GABRB2: variants seen among roughly 807,000 people sequenced by gnomAD.
GABRB2 encodes the protein gamma-aminobutyric acid receptor subunit beta-2.
Under a neutral mutation model 54.7 loss-of-function variants are expected in GABRB2, and 16 were observed. The ratio of observed to expected loss-of-function variants is 0.29; its 90% confidence interval spans 0.20 to 0.44. GABRB2 has a LOEUF of 0.44. GABRB2 is among the 20% of genes least tolerant of loss of function. The probability of loss-of-function intolerance (pLI) is 1.00; values close to 1 mark genes in which losing one functional copy is unlikely to be tolerated. For synonymous variants in GABRB2, 244 were observed against 233.8 expected, an observed-to-expected ratio of 1.04 and a Z score of -0.40; for missense variants, 355 against 644.0, an observed-to-expected ratio of 0.55 and a Z score of 4.86.
chr5:161,399,849 G>T (rs1247636970), intron 5 of GABRB2, among the ~76,000 whole-genome samples: 1 of 152,096 alleles, frequency 6.6e-6, no homozygotes, highest in Non-Finnish European at 1.5e-5. Context: ...TAAGAGGGTT[G>T]GGTGAGATCT....
chr5:161,290,670 ATGTT>A lies in GABRB2; in HGVS notation c.*3407_*3410del, dbSNP rs1757213603. 3 of 152,594 alleles carry A rather than the reference ATGTT, an allele frequency of 2.0e-5. No individual in the cohort carries two copies. The highest frequency in any genetic ancestry group is 7.2e-5 in the African/African-American group (3 of 41,464). The allele number at this position is 152,594 out of a possible 1,614,324, so 9.5% of individuals were successfully genotyped here. Reference sequence around the variant, plus strand: ...TATATACACATATATACATGTAGATATGTTGTAAGACCTATTTTGATGATGTTGC... The same window carrying A: ...TATATACACATATATACATGTAGATAGTAAGACCTATTTTGATGATGTTGC... On this transcript the variant is annotated 3_prime_UTR_variant, in exon 10 of 10. Transcript: ENST00000393959.
At chr5:161,410,236 T>G (rs1756466985) in intron 5 of GABRB2, among the ~76,000 whole-genome samples, 2 of 152,072 alleles carry the variant, frequency 1.3e-5, no homozygotes, top group African/African-American at 4.8e-5. Context: ...TCAAACCACC[T>G]CCCTATGTGA....
At chr5:161,489,613 G>T (rs550551195) in intron 3 of GABRB2, among the ~76,000 whole-genome samples, 1 of 151,542 alleles carries the variant, frequency 6.6e-6, no homozygotes, top group Non-Finnish European at 1.5e-5. Context: ...AGGCTACATT[G>T]ATAAAGGTAT....
At chr5:161,411,911 T>C (rs1020189190) in intron 4 of GABRB2, among the ~76,000 whole-genome samples, 52 of 152,202 alleles carry the variant, frequency 3.4e-4, no homozygotes, top group African/African-American at 1.2e-3. Flanking sequence ...ATTCCAAATG[T>C]AGGTATGAGT....
At chr5:161,357,653 C>A (rs1290670912) in intron 5 of GABRB2, among the ~76,000 whole-genome samples, 1 of 151,522 alleles carries the variant, frequency 6.6e-6, no homozygotes, top group Non-Finnish European at 1.5e-5. Flanking sequence ...TTGTAGTAAC[C>A]CAAATAAGAG....
Position 161,481,309 on chromosome 5 carries a change from T to C in GABRB2, c.238-21465A>G, listed in dbSNP as rs138262223. Among the ~76,000 whole-genome samples, 3 of 152,160 alleles carry C rather than the reference T, an allele frequency of 2.0e-5. 1 individual carries two copies. In the East Asian group the frequency reaches 5.8e-4, roughly 30 times the overall value. ...AAAATATATAAAGGCCTGGCACACA[T>C]AGGAAATCAATATGTGATCACTATT... On this transcript the variant is annotated intron_variant, in intron 3 of 9. Transcript: ENST00000393959.
At chr5:161,375,565 A>G (rs914222431) in intron 5 of GABRB2, among the ~76,000 whole-genome samples, 5 of 152,188 alleles carry the variant, frequency 3.3e-5, no homozygotes, top group African/African-American at 1.2e-4. Context: ...CCATAATTAA[A>G]TAGCTTCTGA....
At chr5:161,450,000 A>G (rs1422997151) in intron 4 of GABRB2, among the ~76,000 whole-genome samples, 1 of 152,178 alleles carries the variant, frequency 6.6e-6, no homozygotes, top group Non-Finnish European at 1.5e-5. Flanking sequence ...TCAAAAGCCC[A>G]TTAATAAAAT....
At chr5:161,304,599 C>G (rs1580962874) in intron 9 of GABRB2, among the ~76,000 whole-genome samples, 1 of 151,732 alleles carries the variant, frequency 6.6e-6, no homozygotes, top group Admixed American at 6.6e-5. Flanking sequence ...AAATTCATTT[C>G]TTTTGGAAAA....
At chr5:161,406,722 G>C (rs1580958723) in intron 5 of GABRB2, among the ~76,000 whole-genome samples, 2 of 152,012 alleles carry the variant, frequency 1.3e-5, no homozygotes. Flanking sequence ...CAGGTAATCA[G>C]TGACTCTGAG....
chr5:161,429,559 T>C (rs1757116349), intron 4 of GABRB2, among the ~76,000 whole-genome samples: 2 of 151,954 alleles, frequency 1.3e-5, no homozygotes, highest in South Asian at 4.1e-4. Flanking sequence ...GACATATTGG[T>C]AAGATGAATA....
intron 5 of GABRB2, among the ~76,000 whole-genome samples, chr5:161,348,188 G>A (rs1754374308): frequency 6.6e-6 from 1 of 151,986 alleles, no homozygotes; most frequent in Non-Finnish European, 1.5e-5. Flanking sequence ...ATAATTTTAT[G>A]TGGGTTATAG....
intron 4 of GABRB2, among the ~76,000 whole-genome samples, chr5:161,417,360 T>C (rs1240042456): frequency 6.6e-6 from 1 of 152,236 alleles, no homozygotes; most frequent in Non-Finnish European, 1.5e-5. Flanking sequence ...CATATTGTTA[T>C]TCCCATTTTA....
chr5:161,363,703 A>G (rs1187206838), intron 5 of GABRB2, among the ~76,000 whole-genome samples: 2 of 152,114 alleles, frequency 1.3e-5, no homozygotes, highest in Non-Finnish European at 2.9e-5. Flanking sequence ...CCCTGCCTCA[A>G]AAAAACAAAA....
chr5:161,319,514 T>A (rs1758146115), intron 9 of GABRB2, among the ~76,000 whole-genome samples: 1 of 150,792 alleles, frequency 6.6e-6, no homozygotes, highest in South Asian at 2.1e-4. Context: ...CACTCTGTGG[T>A]TATGAGGTAG....
rs541588496 is a variant in GABRB2, at chr5:161,368,438, C to T, written c.542-31669G>A. Among the ~76,000 whole-genome samples, 85 of 152,230 alleles carry T rather than the reference C, an allele frequency of 5.6e-4. No individual in the cohort carries two copies. The East Asian group carries it at 0.015, about 27-fold the overall frequency. Reference sequence around the variant, plus strand: ...ATGATGCCCAAAGCTGTATGATGCCCTTATCTTCAAACAATTGTTTCTCAA... The same window carrying T: ...ATGATGCCCAAAGCTGTATGATGCCTTTATCTTCAAACAATTGTTTCTCAA... On this transcript the variant is annotated intron_variant, in intron 5 of 9. Transcript: ENST00000393959.
At chr5:161,339,050 G>A (rs1467424189) in intron 5 of GABRB2, among the ~76,000 whole-genome samples, 3 of 152,008 alleles carry the variant, frequency 2.0e-5, no homozygotes, top group Admixed American at 6.6e-5. Flanking sequence ...TTTCTTATCA[G>A]TTCTTTATCC....
chr5:161,454,032 C>CAA (rs202218457), intron 4 of GABRB2, among the ~76,000 whole-genome samples: 1 of 96,686 alleles, frequency 1.0e-5, no homozygotes, highest in Non-Finnish European at 2.3e-5. Context: ...AGTGAGATTC[C>CAA]AAAAAAAAAA....
At chr5:161,388,445 G>T (rs1749374978) in intron 5 of GABRB2, among the ~76,000 whole-genome samples, 1 of 151,960 alleles carries the variant, frequency 6.6e-6, no homozygotes, top group South Asian at 2.1e-4. Context: ...TTTGATGCTA[G>T]CTTTTTATTA....
Sources: gnomAD v4.1 joint callset for allele counts (sites outside exome capture counted in the v4.1 genomes callset) on GRCh38, gnomAD v4.1.1 for gene constraint, MANE v1.5 for transcripts, NCBI Gene and HGNC (gene_info 2026-07-23, HGNC 2026-07-21) for gene names.